The following PTPRD variants were observed in gnomAD, a reference collection of about 807,000 sequenced individuals.
PTPRD encodes protein tyrosine phosphatase receptor type D, also known as receptor-type tyrosine-protein phosphatase delta.
A neutral mutation model predicts 214.5 loss-of-function variants in PTPRD; 34 were observed. The observed-to-expected ratio is 0.16, with a 90% CI of 0.12 to 0.21. The LOEUF is 0.21. Among genes scored for constraint, PTPRD ranks in the 10% least tolerant of loss-of-function variants. The probability of loss-of-function intolerance (pLI) is 1.00; values close to 1 mark genes in which losing one functional copy is unlikely to be tolerated. For missense variants in PTPRD, 2,545 were observed against 2,398.7 expected (o/e 1.06, Z -1.27); for synonymous variants, 1,128 against 845.7 (o/e 1.33, Z -5.79).
intron 9 of PTPRD, among the ~76,000 whole-genome samples, chr9:9,257,007 AG>A (rs1025146995): frequency 1.3e-5 from 2 of 152,014 alleles, no homozygotes; most frequent in Non-Finnish European, 2.9e-5. Context: ...TAATTCTTTA[AG>A]GGTTGTTCCC....
intron 11 of PTPRD, among the ~76,000 whole-genome samples, chr9:8,896,078 C>T (rs1003979866): frequency 3.9e-5 from 6 of 152,184 alleles, no homozygotes; most frequent in Non-Finnish European, 7.3e-5. Context: ...CAACTCCACA[C>T]ATCAGAGTGT....
intron 11 of PTPRD, among the ~76,000 whole-genome samples, chr9:8,870,709 C>CACACACACAT (rs1286193820): frequency 2.0e-5 from 3 of 150,750 alleles, no homozygotes; most frequent in Non-Finnish European, 4.4e-5. Context: ...CACACACACA[C>CACACACACAT]ACACACACAC....
intron 4 of PTPRD, among the ~76,000 whole-genome samples, chr9:9,994,237 G>A (rs1183717400): frequency 3.3e-5 from 5 of 152,048 alleles, no homozygotes; most frequent in Non-Finnish European, 7.4e-5. Flanking sequence ...TCACCCTCTT[G>A]GATGCTTCCT....
At chr9:9,075,980 C>T (rs1003962813) in intron 10 of PTPRD, among the ~76,000 whole-genome samples, 4 of 152,144 alleles carry the variant, frequency 2.6e-5, no homozygotes, top group Admixed American at 2.0e-4. Flanking sequence ...CTAGAGAAAT[C>T]GCCATACTGT....
At chr9:9,716,108 G>GT (rs2097823400) in intron 7 of PTPRD, among the ~76,000 whole-genome samples, 1 of 151,828 alleles carries the variant, frequency 6.6e-6, no homozygotes, top group Admixed American at 6.6e-5. Context: ...GCGGTGTTTG[G>GT]TTTTTTGTTC....
In PTPRD at chr9:9,738,126, T is replaced by C. The variant is rs1014007980; in HGVS notation, c.-325-3555A>G. On this transcript the variant is annotated intron_variant, in intron 6 of 45. Transcript: ENST00000381196. ...GTGAGGTGGGGGGATGGGGGAGGGA[T>C]AGCATTAGGAGATATACCTAATGTT... Among the ~76,000 whole-genome samples the C allele has an allele frequency of 9.9e-5, 15 of 152,046 alleles. No individual in the cohort carries two copies. In the East Asian group the frequency reaches 2.9e-3, roughly 29 times the overall value.
intron 10 of PTPRD, among the ~76,000 whole-genome samples, chr9:9,125,035 T>A (rs1207642154): frequency 6.6e-6 from 1 of 152,162 alleles, no homozygotes; most frequent in Non-Finnish European, 1.5e-5. Flanking sequence ...CCACTGTCTA[T>A]CCATTTTCTA....
At chr9:9,402,128 C>T (rs752941946) in intron 8 of PTPRD, among the ~76,000 whole-genome samples, 6 of 151,866 alleles carry the variant, frequency 4.0e-5, no homozygotes, top group African/African-American at 9.7e-5. Context: ...TGTAAACCGA[C>T]AGTAAACGAT....
At chr9:9,476,998 G>C (rs1031113006) in intron 8 of PTPRD, among the ~76,000 whole-genome samples, 3 of 152,054 alleles carry the variant, frequency 2.0e-5, no homozygotes, top group African/African-American at 4.8e-5. Flanking sequence ...GCCTCCCAAA[G>C]TGCTGGGATT....
At chr9:10,553,151 C>A (rs2061716911) in intron 2 of PTPRD, among the ~76,000 whole-genome samples, 1 of 152,202 alleles carries the variant, frequency 6.6e-6, no homozygotes, top group South Asian at 2.1e-4. Flanking sequence ...TCCATCCAGC[C>A]TAAGGAGGAG....
At chr9:8,337,530 G>A (rs149344318) in intron 43 of PTPRD, among the ~76,000 whole-genome samples, 41 of 152,014 alleles carry the variant, frequency 2.7e-4, no homozygotes, top group Non-Finnish European at 4.4e-4. Context: ...CCAAACCACC[G>A]TGGCACATGT....
intron 8 of PTPRD, among the ~76,000 whole-genome samples, chr9:9,408,904 G>T (rs1300197187): frequency 2.0e-5 from 3 of 151,586 alleles, no homozygotes; most frequent in Non-Finnish European, 4.4e-5. Flanking sequence ...TCCCAATATT[G>T]GTATTAGTCT....
rs565462333 is a variant in PTPRD at position 8,390,017 on chromosome 9, G to GT, written c.4211-611dup. 2.5e-3 allele frequency among the ~76,000 whole-genome samples: 381 copies of GT among 152,228 alleles called. 3 individuals carry two copies. Among genetic ancestry groups the GT allele is most frequent in the African/African-American group, 8.9e-3 (368 of 41,542 alleles). Reference sequence around the variant, plus strand: ...AATCAGGTTTAATCCTAGGCTACTCGTATGTGTCTTGACCTCTGTAAAGTA... The same window carrying GT: ...AATCAGGTTTAATCCTAGGCTACTCGTTATGTGTCTTGACCTCTGTAAAGTA... On this transcript the variant is annotated intron_variant, in intron 36 of 45. Transcript: ENST00000381196.
chr9:9,323,876 G>A (rs1968120587), intron 9 of PTPRD, among the ~76,000 whole-genome samples: 1 of 152,084 alleles, frequency 6.6e-6, no homozygotes, highest in South Asian at 2.1e-4. Context: ...GGTGTGTGAT[G>A]TTCCCTGCTG....
At chr9:8,955,623 T>G (rs2154310854) in intron 11 of PTPRD, among the ~76,000 whole-genome samples, 1 of 151,810 alleles carries the variant, frequency 6.6e-6, no homozygotes, top group East Asian at 1.9e-4. Context: ...TTATTTTTTA[T>G]TTTTTATTTT....
intron 37 of PTPRD, among the ~76,000 whole-genome samples, chr9:8,386,024 G>A (rs570371213): frequency 6.6e-6 from 1 of 152,298 alleles, no homozygotes; most frequent in Non-Finnish European, 1.5e-5. Flanking sequence ...GGAAACTGAA[G>A]TTGTCACTGT....
At chr9:9,908,778 A>G (rs1243994993) in intron 5 of PTPRD, among the ~76,000 whole-genome samples, 5 of 152,002 alleles carry the variant, frequency 3.3e-5, no homozygotes, top group African/African-American at 1.2e-4. Context: ...ATATTTATCT[A>G]TGAAACTTAT....
chr9:9,313,296 T>C (rs1960229558), intron 9 of PTPRD, among the ~76,000 whole-genome samples: 1 of 152,164 alleles, frequency 6.6e-6, no homozygotes, highest in Admixed American at 6.6e-5. Flanking sequence ...GTATAGATGA[T>C]CTCTCTGTTG....
intron 7 of PTPRD, among the ~76,000 whole-genome samples, chr9:9,695,804 TA>T (rs1433127905): frequency 6.6e-6 from 1 of 152,214 alleles, no homozygotes; most frequent in African/African-American, 2.4e-5. Context: ...GGTTTGCTAA[TA>T]TTTTGTTGAG....
Sources: allele counts gnomAD v4.1 joint callset (sites outside exome capture counted in the v4.1 genomes callset), GRCh38; gene constraint gnomAD v4.1.1; transcripts MANE v1.5; gene names NCBI Gene and HGNC (gene_info 2026-07-23, HGNC 2026-07-21).